Variants in SHISA5 observed in about 807,000 individuals in gnomAD.
The protein encoded by SHISA5 is shisa family member 5, also known as protein shisa-5.
In SHISA5, 21 loss-of-function variants were observed where a neutral mutation model predicts 27.5. The ratio of observed to expected loss-of-function variants is 0.76; its 90% confidence interval spans 0.54 to 1.10. SHISA5 has a LOEUF of 1.10. SHISA5 is among the 50% of genes least tolerant of loss of function. SHISA5 has a pLI of 0.00. For synonymous variants in SHISA5, 137 were observed against 142.2 expected (o/e 0.96, Z 0.26); for missense variants, 314 against 336.3 (o/e 0.93, Z 0.52).
chr3:48,480,265 C>A, intron 2 of SHISA5, among the ~76,000 whole-genome samples: 1 of 150,144 alleles, frequency 6.7e-6, no homozygotes. Context: ...AAACTCCTAC[C>A]TTGGGAAACT....
At position 48,469,059 on chromosome 3, in the gene SHISA5, G is replaced by GCACA. The variant is rs1189907164; in HGVS notation, c.*44_*47dup. On this transcript the variant is annotated 3_prime_UTR_variant, in exon 6 of 6. Coordinates refer to ENST00000296444, the MANE Select transcript of SHISA5 (RefSeq NM_016479.6). This position sits in a 1 kb window ranked among gnomAD's most constrained non-coding sequence, Gnocchi z 4.6. The stretch of plus-strand genomic sequence containing the variant: ...GGAACCGCGCCTGCACACCACTCAC[G>GCACA]CACACACACAACATAACCAAGTGGC... 1.7e-5 allele frequency: 28 copies of GCACA among 1,610,460 alleles called. No homozygotes were observed. Among genetic ancestry groups the GCACA allele is most frequent in the Non-Finnish European group, 2.4e-5 (28 of 1,179,914 alleles).
At chr3:48,481,067 C>A (rs1239340288) in intron 2 of SHISA5, among the ~76,000 whole-genome samples, 2 of 151,994 alleles carry the variant, frequency 1.3e-5, no homozygotes, top group Non-Finnish European at 2.9e-5. Context: ...TGCAATCCAG[C>A]CTGGGCGACA....
chr3:48,481,441 AAAAATAAAATAAAAT>A (rs58732653), intron 2 of SHISA5, among the ~76,000 whole-genome samples: 3 of 144,202 alleles, frequency 2.1e-5, no homozygotes, highest in African/African-American at 2.8e-5. Flanking sequence ...TCTGTCTCAA[AAAAATAAAATAAAAT>A]AAAATAAAAT....
chr3:48,500,480 G>A (rs577470984), intron 2 of SHISA5, among the ~76,000 whole-genome samples: 6 of 152,082 alleles, frequency 3.9e-5, no homozygotes, highest in East Asian at 1.9e-4. Context: ...GTAAGATAGC[G>A]GGGGTTGGTC....
At chr3:48,471,577 A>ACC (rs1560119088) in intron 3 of SHISA5, among the ~76,000 whole-genome samples, 1 of 39,592 alleles carries the variant, frequency 2.5e-5, no homozygotes, top group Non-Finnish European at 4.6e-5. Context: ...AAAAAAAAAA[A>ACC]AGTCAGCCTT....
intron 2 of SHISA5, among the ~76,000 whole-genome samples, chr3:48,498,646 G>A (rs537591395): frequency 3.0e-4 from 42 of 139,150 alleles, no homozygotes; most frequent in African/African-American, 1.0e-3. Flanking sequence ...GAGATCACGC[G>A]CCACTGCACT....
intron 3 of SHISA5, among the ~76,000 whole-genome samples, chr3:48,474,131 A>G (rs1007989379): frequency 4.6e-5 from 7 of 151,854 alleles, no homozygotes; most frequent in Non-Finnish European, 1.0e-4. Context: ...TCTGTTGCCC[A>G]GGCTGGAGTG....
intron 2 of SHISA5, among the ~76,000 whole-genome samples, chr3:48,499,280 T>G (rs1162435720): frequency 3.3e-5 from 5 of 152,030 alleles, no homozygotes; most frequent in African/African-American, 1.2e-4. Flanking sequence ...GTTCAAGTGA[T>G]CCTCCTACCT....
At chr3:48,486,100 T>G (rs1271892001) in intron 2 of SHISA5, among the ~76,000 whole-genome samples, 6 of 144,240 alleles carry the variant, frequency 4.2e-5, no homozygotes, top group Non-Finnish European at 7.4e-5. Context: ...GAGAAAGTCC[T>G]GGCTCCAAAT....
intron 2 of SHISA5, among the ~76,000 whole-genome samples, chr3:48,498,797 T>C (rs904795964): frequency 5.3e-5 from 8 of 149,672 alleles, no homozygotes; most frequent in African/African-American, 2.0e-4. Flanking sequence ...AAAAGGATAA[T>C]GCATACGGGC....
rs1257295314 is a variant in SHISA5 at position 48,473,206 on chromosome 3, C to T, written c.315-3363G>A. 1.3e-5 allele frequency: 18 copies of T among 1,428,912 alleles called. No homozygotes were observed. Among genetic ancestry groups the T allele is most frequent in the East Asian group, 2.5e-5 (1 of 39,292 alleles). The allele number at this position is 1,428,912 out of a possible 1,614,324, so 88.5% of individuals were successfully genotyped here. On this transcript the variant is annotated intron_variant, in intron 3 of 5. Coordinates refer to ENST00000296444, the MANE Select transcript of SHISA5 (RefSeq NM_016479.6). This position sits in a 1 kb window ranked among gnomAD's most constrained non-coding sequence, Gnocchi z 4.3. ...CTCTTAAAGACACAGGATGGCCCCGCCCAGCAGCCGGCTAGCAGCCAAGGA... is the reference window on the plus strand; with the variant it reads ...CTCTTAAAGACACAGGATGGCCCCGTCCAGCAGCCGGCTAGCAGCCAAGGA...
At chr3:48,483,698 G>GCGGC (rs1436761364) in intron 2 of SHISA5, among the ~76,000 whole-genome samples, 2 of 151,192 alleles carry the variant, frequency 1.3e-5, no homozygotes, top group Non-Finnish European at 3.0e-5. Flanking sequence ...CCCGGACGGG[G>GCGGC]CGGCTGGCCG....
At position 48,480,104 on chromosome 3, in the gene SHISA5, C is replaced by T. The variant is rs547363214; in HGVS notation, c.234-847G>A. Among the ~76,000 whole-genome samples the T allele has an allele frequency of 4.6e-5, 7 of 151,416 alleles. No individual in the cohort carries two copies. The East Asian group carries it at 9.7e-4, about 21-fold the overall frequency. On this transcript the variant is annotated intron_variant, in intron 2 of 5. Coordinates refer to ENST00000296444, the MANE Select transcript of SHISA5 (RefSeq NM_016479.6). ...ATTTTTAGTAGAGACAAGGTTTCACCGTGTTAGCCAGGATGGTCTCGATCT... is the reference window on the plus strand; with the variant it reads ...ATTTTTAGTAGAGACAAGGTTTCACTGTGTTAGCCAGGATGGTCTCGATCT...
chr3:48,502,450 G>T (rs1416784461), intron 1 of SHISA5: 7 of 454,816 alleles, frequency 1.5e-5, no homozygotes, highest in Non-Finnish European at 3.1e-5. Flanking sequence ...ACCATCTGTA[G>T]CCCTGGAGCC....
chr3:48,481,312 C>A (rs186838287), intron 2 of SHISA5, among the ~76,000 whole-genome samples: 3 of 151,492 alleles, frequency 2.0e-5, no homozygotes, highest in Non-Finnish European at 1.5e-5. Context: ...TGGTGGCAGG[C>A]GCCTGTAATC....
Position 48,469,487 on chromosome 3 carries a change from T to G in SHISA5, c.517A>C (p.Ser173Arg), listed in dbSNP as rs1422270401. 4 of 1,613,868 alleles carry G rather than the reference T, an allele frequency of 2.5e-6. No individual in the cohort carries two copies. The highest frequency in any genetic ancestry group is 1.7e-5 in the Admixed American group (1 of 59,978). Residue 173 changes from serine (S) to arginine (R), a missense_variant, in exon 5 of 6, where the codon AGC becomes CGC. Ser to Arg is a moderately radical substitution (Grantham distance 110). Coordinates refer to ENST00000296444, the MANE Select transcript of SHISA5 (RefSeq NM_016479.6). The surrounding 1 kb of genome is among the most constrained non-coding windows in gnomAD (Gnocchi z 4.6). ...GGCATGGTGTGGTAGCCCTGGTAGCTTGGTCCAGGGTAGCTGGGCGGCACA... is the reference window on the plus strand; with the variant it reads ...GGCATGGTGTGGTAGCCCTGGTAGCGTGGTCCAGGGTAGCTGGGCGGCACA... ...PSVPPSYPGPSYQGYHTMPPQ... is the reference protein window; with the variant it reads ...PSVPPSYPGPRYQGYHTMPPQ...
chr3:48,473,755 A>T lies in SHISA5; in HGVS notation c.315-3912T>A, dbSNP rs750598299. On this transcript the variant is annotated intron_variant, in intron 3 of 5. Coordinates refer to ENST00000296444, the MANE Select transcript of SHISA5 (RefSeq NM_016479.6). The surrounding 1 kb of genome is among the most constrained non-coding windows in gnomAD (Gnocchi z 4.3). Reference sequence around the variant, plus strand: ...CTGTGCTTTCCTGTGTATGTATTATAGTTGACAATAAAAGAAGAAAAGAGG... The same window carrying T: ...CTGTGCTTTCCTGTGTATGTATTATTGTTGACAATAAAAGAAGAAAAGAGG... Among the ~76,000 whole-genome samples, 10 of 152,202 alleles carry T rather than the reference A, an allele frequency of 6.6e-5. No individual in the cohort carries two copies. Among genetic ancestry groups the T allele is most frequent in the Non-Finnish European group, 1.2e-4 (8 of 68,046 alleles).
chr3:48,483,915 C>T (rs1267568617), intron 2 of SHISA5, among the ~76,000 whole-genome samples: 1 of 152,180 alleles, frequency 6.6e-6, no homozygotes, highest in African/African-American at 2.4e-5. Context: ...TAAGGTCTCA[C>T]TATATTGCCC....
chr3:48,471,218 T>C (rs939824318), intron 3 of SHISA5, among the ~76,000 whole-genome samples: 4 of 152,068 alleles, frequency 2.6e-5, no homozygotes, highest in African/African-American at 4.8e-5. Context: ...TCTCACTATG[T>C]TACCTAACTG....
Sources: allele counts gnomAD v4.1 joint callset (sites outside exome capture counted in the v4.1 genomes callset), GRCh38; gene constraint gnomAD v4.1.1; non-coding constraint Gnocchi (gnomAD v3.1); transcripts MANE v1.5; gene names NCBI Gene and HGNC (gene_info 2026-07-23, HGNC 2026-07-21).